The following CCDC158 variants were observed in gnomAD, a reference collection of about 807,000 sequenced individuals.
CCDC158 encodes coiled-coil domain containing 158, also known as coiled-coil domain-containing protein 158.
CCDC158 carries 116 observed loss-of-function variants against 138.6 expected under a neutral mutation model. That is an observed-to-expected ratio of 0.84 (90% CI 0.72 to 0.98). CCDC158 has a LOEUF of 0.98. Ranked by LOEUF, CCDC158 falls within the 50% of genes least tolerant of loss-of-function variation. The pLI is 0.00. For synonymous variants in CCDC158, 436 were observed against 442.4 expected, an observed-to-expected ratio of 0.99 and a Z score of 0.18; for missense variants, 1,265 against 1,306.1, an observed-to-expected ratio of 0.97 and a Z score of 0.48.
chr4:76,331,415 G>T lies in CCDC158; in HGVS notation c.2883-12C>A, dbSNP rs1210356959. The T allele has an allele frequency of 6.2e-7, 1 of 1,611,346 alleles. No homozygotes were observed. The highest frequency in any genetic ancestry group is 8.5e-7 in the Non-Finnish European group (1 of 1,177,750). ...ACGAGTTGTTGCTTCTGTTGGTAGA[G>T]GGATGGGAGAAATCACAGTTTAAAT... is the stretch of plus-strand genomic sequence containing the variant. On this transcript the variant is annotated splice_polypyrimidine_tract_variant and intron_variant, in intron 20 of 24. Transcript: ENST00000682701.
At chr4:76,414,680 A>C (rs1014452721) in intron 1 of CCDC158, among the ~76,000 whole-genome samples, 1 of 152,136 alleles carries the variant, frequency 6.6e-6, no homozygotes, top group Non-Finnish European at 1.5e-5. Context: ...TGTGATAGTG[A>C]ATAAGTTTTA....
intron 2 of CCDC158, among the ~76,000 whole-genome samples, chr4:76,404,436 GT>G (rs1193796739): frequency 2.6e-5 from 4 of 152,130 alleles, no homozygotes; most frequent in African/African-American, 9.7e-5. Context: ...ACTGAACCCA[GT>G]AGGCTCAAAC....
intron 24 of CCDC158, among the ~76,000 whole-genome samples, chr4:76,317,393 T>C (rs1245885669): frequency 2.0e-5 from 3 of 152,118 alleles, no homozygotes; most frequent in Non-Finnish European, 4.4e-5. Context: ...AAGAGGGATA[T>C]TATATAGTGA....
chr4:76,319,133 G>T (rs558383178), intron 24 of CCDC158, among the ~76,000 whole-genome samples: 1 of 152,018 alleles, frequency 6.6e-6, no homozygotes, highest in South Asian at 2.1e-4. Flanking sequence ...TTAGCCAGGC[G>T]TGCTGGTGGG....
intron 15 of CCDC158, among the ~76,000 whole-genome samples, 182 bp downstream of exon 15, chr4:76,355,142 A>G (rs1404483677): frequency 2.0e-5 from 3 of 152,176 alleles, no homozygotes; most frequent in African/African-American, 7.2e-5. Flanking sequence ...CACGTTTAAA[A>G]TAGTAGCTGT....
In CCDC158 at chr4:76,351,701, A is replaced by T; in HGVS notation, c.2538+19T>A. ...AACGGCATTATTTTCGCTTAAACTA[A>T]TATTTATGATGACCTTACTTTTATA... On this transcript the variant is annotated intron_variant, in intron 17 of 24. Transcript: ENST00000682701. The T allele has an allele frequency of 6.6e-7, 1 of 1,514,310 alleles. No homozygotes were observed. Among genetic ancestry groups the T allele is most frequent in the Non-Finnish European group, 9.2e-7 (1 of 1,091,124 alleles). The allele number at this position is 1,514,310 out of a possible 1,614,324, so 93.8% of individuals were successfully genotyped here. A position where few individuals can be genotyped will look rare whatever the true frequency, so the allele number is the denominator to read the frequency against.
At chr4:76,410,429 C>A (rs1729207886) in intron 2 of CCDC158, among the ~76,000 whole-genome samples, 1 of 152,174 alleles carries the variant, frequency 6.6e-6, no homozygotes, top group South Asian at 2.1e-4. Flanking sequence ...AAGTGATCCA[C>A]CCACCTCAGC....
At chr4:76,395,026 C>A (rs979063429) in intron 4 of CCDC158, among the ~76,000 whole-genome samples, 1 of 152,010 alleles carries the variant, frequency 6.6e-6, no homozygotes, top group Non-Finnish European at 1.5e-5. Flanking sequence ...TTAGGAACCC[C>A]AGTAAAAACA....
intron 4 of CCDC158, among the ~76,000 whole-genome samples, chr4:76,385,710 A>G (rs1425991104): frequency 6.6e-6 from 1 of 152,208 alleles, no homozygotes; most frequent in Non-Finnish European, 1.5e-5. Context: ...GGCCAAAGAA[A>G]AAAACGCAAC....
In CCDC158 at chr4:76,325,892, G is replaced by T. The variant is rs767872164; in HGVS notation, c.3134C>A (p.Ser1045Tyr). 1 of 1,613,338 alleles carries T rather than the reference G, an allele frequency of 6.2e-7. No homozygotes were observed. Among genetic ancestry groups the T allele is most frequent in the South Asian group, 1.1e-5 (1 of 90,950 alleles). ...ATCAGATGAATGAATAGGTTTGGCA[G>T]ATCTATACTGTGATGTGGAACCTAT... ...GSIGSTSQYR[S>Y]AKPIHSSDSV... The change falls in exon 23 of 25, where the codon TCT (serine) becomes TAT (tyrosine). Residue 1045 changes from serine (S) to tyrosine (Y), a missense_variant. Physicochemically the swap from Ser to Tyr is moderately radical, Grantham distance 144 (BLOSUM62 -2). Transcript: ENST00000682701.
Position 76,331,419 on chromosome 4 carries a change from T to G in CCDC158, c.2883-16A>C, listed in dbSNP as rs1578881991. The G allele has an allele frequency of 6.2e-7, 1 of 1,609,400 alleles. No homozygotes were observed. Among genetic ancestry groups the G allele is most frequent in the Admixed American group, 1.7e-5 (1 of 59,952 alleles). ...GTTGTTGCTTCTGTTGGTAGAGGGA[T>G]GGGAGAAATCACAGTTTAAATAATG... On this transcript the variant is annotated splice_polypyrimidine_tract_variant and intron_variant, in intron 20 of 24. Coordinates refer to ENST00000682701, the MANE Select transcript of CCDC158 (RefSeq NM_001394954.1).
chr4:76,394,410 T>C (rs1281569832), intron 4 of CCDC158, among the ~76,000 whole-genome samples: 1 of 152,090 alleles, frequency 6.6e-6, no homozygotes, highest in African/African-American at 2.4e-5. Context: ...TCTTGCTTAT[T>C]TGTGGGATCT....
upstream of CCDC158, among the ~76,000 whole-genome samples, chr4:76,421,497 G>A (rs1007702392): frequency 6.6e-6 from 1 of 152,020 alleles, no homozygotes; most frequent in Non-Finnish European, 1.5e-5. Context: ...ACTGGTCTCC[G>A]GCCCTACTCT....
intron 2 of CCDC158, among the ~76,000 whole-genome samples, chr4:76,406,701 T>C (rs1283949220): frequency 6.6e-6 from 1 of 152,102 alleles, no homozygotes; most frequent in Non-Finnish European, 1.5e-5. Flanking sequence ...TCTTTCTACC[T>C]GGAAATTAAA....
intron 1 of CCDC158, among the ~76,000 whole-genome samples, chr4:76,412,698 C>G (rs937675512): frequency 2.6e-5 from 4 of 152,102 alleles, no homozygotes; most frequent in Non-Finnish European, 5.9e-5. Flanking sequence ...TTGCAGTGAG[C>G]CGAGATTGTG....
At chr4:76,413,227 A>G (rs917606865) in intron 1 of CCDC158, among the ~76,000 whole-genome samples, 1 of 152,042 alleles carries the variant, frequency 6.6e-6, no homozygotes, top group African/African-American at 2.4e-5. Flanking sequence ...TAATCCCAGC[A>G]CTTTGGGAGG....
intron 4 of CCDC158, among the ~76,000 whole-genome samples, chr4:76,386,245 C>G (rs956584988): frequency 1.4e-5 from 2 of 138,952 alleles, no homozygotes; most frequent in African/African-American, 5.3e-5. Flanking sequence ...TATCTGCACA[C>G]AGAAGAGCAC....
chr4:76,337,132 C>T (rs1194126689), intron 18 of CCDC158, among the ~76,000 whole-genome samples: 1 of 152,062 alleles, frequency 6.6e-6, no homozygotes, highest in East Asian at 1.9e-4. Context: ...AGGTGCATGC[C>T]ACCACACCCG....
At chr4:76,332,347 T>C in intron 20 of CCDC158, 85 bp downstream of exon 20, 2 of 1,132,570 alleles carry the variant, frequency 1.8e-6, no homozygotes, top group Non-Finnish European at 2.6e-6. Context: ...TGTAAACTTA[T>C]GTCCAAACAG....
Sources: gnomAD v4.1 joint callset for allele counts (sites outside exome capture counted in the v4.1 genomes callset) on GRCh38, gnomAD v4.1.1 for gene constraint, MANE v1.5 for transcripts, NCBI Gene and HGNC (gene_info 2026-07-23, HGNC 2026-07-21) for gene names.